Variants in SLC2A9 observed in about 807,000 individuals in gnomAD.
SLC2A9 encodes the protein solute carrier family 2, facilitated glucose transporter member 9.
SLC2A9 carries 39 observed loss-of-function variants against 50.6 expected under a neutral mutation model. The ratio of observed to expected loss-of-function variants is 0.77; its 90% CI spans 0.60 to 1.01. The LOEUF (loss-of-function observed/expected upper bound fraction) is 1.01. Among genes scored for constraint, SLC2A9 ranks in the 50% least tolerant of loss-of-function variants. The probability of loss-of-function intolerance (pLI) is 0.00; values close to 1 mark genes in which losing one functional copy is unlikely to be tolerated. For synonymous variants in SLC2A9, 324 were observed against 276.9 expected, an observed-to-expected ratio of 1.17 and a Z score of -1.69; for missense variants, 686 against 677.6, an observed-to-expected ratio of 1.01 and a Z score of -0.14.
chr4:9,849,770 T>G (rs1276181265), intron 10 of SLC2A9, among the ~76,000 whole-genome samples: 1 of 152,048 alleles, frequency 6.6e-6, no homozygotes, highest in Non-Finnish European at 1.5e-5. Context: ...AGTGATGTGT[T>G]CTGTTTGGTG....
intron 4 of SLC2A9, among the ~76,000 whole-genome samples, chr4:9,981,343 G>GATGATGATGGTA (rs1755842387): frequency 5.7e-5 from 1 of 17,480 alleles, no homozygotes; most frequent in African/African-American, 2.1e-4. Context: ...TGGTGGTGGT[G>GATGATGATGGTA]GTGATGGTGA....
intron 3 of SLC2A9, among the ~76,000 whole-genome samples, chr4:9,806,963 G>A (rs939774276): frequency 6.6e-6 from 1 of 152,182 alleles, no homozygotes; most frequent in African/African-American, 2.4e-5. Context: ...ATTTCCTCCT[G>A]AGTCCCCTTC....
chr4:9,981,572 G>A (rs1172148782), intron 4 of SLC2A9, among the ~76,000 whole-genome samples: 1 of 152,170 alleles, frequency 6.6e-6, no homozygotes, highest in Non-Finnish European at 1.5e-5. Context: ...GTCCAGAGAT[G>A]TTTAAAAAAA....
chr4:9,832,092 C>T (rs911725746), intron 11 of SLC2A9, among the ~76,000 whole-genome samples: 12 of 152,222 alleles, frequency 7.9e-5, no homozygotes, highest in South Asian at 2.1e-4. Context: ...GCTATTTGGT[C>T]ATGGCGGCCC....
chr4:9,777,194 C>A (rs1018674881), downstream of SLC2A9, among the ~76,000 whole-genome samples: 4 of 152,070 alleles, frequency 2.6e-5, no homozygotes, highest in Non-Finnish European at 4.4e-5. Flanking sequence ...TGTCCCCGGG[C>A]CCTAGAATAG....
At position 9,806,599 on chromosome 4, in the gene SLC2A9, T is replaced by C. The variant is rs759545351; in HGVS notation, n.421-7358A>G. Among the ~76,000 whole-genome samples, 71 of 152,240 alleles carry C rather than the reference T, an allele frequency of 4.7e-4. No homozygotes were observed. The Middle Eastern group carries it at 0.017, about 36-fold the overall frequency. On this transcript the variant is annotated intron_variant and non_coding_transcript_variant, in intron 3 of 3. Transcript: ENST00000503280. ...TGGGTTAGGGTCTCCACGACTGAGCTGGTCTCAGCATTTGGCTCCACTCAA... is the reference window on the plus strand; with the variant it reads ...TGGGTTAGGGTCTCCACGACTGAGCCGGTCTCAGCATTTGGCTCCACTCAA...
At chr4:9,863,114 C>T (rs1242241154) in intron 10 of SLC2A9, among the ~76,000 whole-genome samples, 1 of 151,940 alleles carries the variant, frequency 6.6e-6, no homozygotes, top group Admixed American at 6.5e-5. Flanking sequence ...GTCATCAGTA[C>T]AGAGTGTAGT....
chr4:10,007,761 G>A (rs1381877483), intron 2 of SLC2A9, among the ~76,000 whole-genome samples: 1 of 152,194 alleles, frequency 6.6e-6, no homozygotes, highest in East Asian at 1.9e-4. Flanking sequence ...GAATGAAAAG[G>A]GCAAATTGTT....
At chr4:10,038,650 A>C (rs1181121101) in intron 1 of SLC2A9, among the ~76,000 whole-genome samples, 2 of 152,160 alleles carry the variant, frequency 1.3e-5, no homozygotes, top group Admixed American at 1.3e-4. Flanking sequence ...TTCAAGGCAA[A>C]AGAACTAAAT....
chr4:9,824,213 T>G (rs1215323762), downstream of SLC2A9, among the ~76,000 whole-genome samples: 2 of 152,032 alleles, frequency 1.3e-5, no homozygotes, highest in Non-Finnish European at 2.9e-5. Context: ...CACCATGTGA[T>G]TCCCTTTGCC....
At chr4:9,975,290 G>C (rs927842030) in intron 5 of SLC2A9, among the ~76,000 whole-genome samples, 5 of 152,090 alleles carry the variant, frequency 3.3e-5, no homozygotes, top group African/African-American at 1.2e-4. Flanking sequence ...TTCAATTCAA[G>C]CAACTATCAA....
At chr4:9,978,277 A>G (rs1415165196) in intron 5 of SLC2A9, among the ~76,000 whole-genome samples, 1 of 152,156 alleles carries the variant, frequency 6.6e-6, no homozygotes, top group Non-Finnish European at 1.5e-5. Context: ...AATCAACTCA[A>G]TGTTTTAACA....
At chr4:9,912,760 A>G (rs779663714) in intron 7 of SLC2A9, among the ~76,000 whole-genome samples, 3 of 152,222 alleles carry the variant, frequency 2.0e-5, no homozygotes, top group Non-Finnish European at 2.9e-5. Context: ...TTCACATGCT[A>G]ATCCTGGGAA....
In SLC2A9 at chr4:9,774,021, G is replaced by T. The variant is rs868143131; in HGVS notation, n.182-2652C>A. Reference sequence around the variant, plus strand: ...TTTTTTTTTTTTTTAAGATAGTCTTGCTCTGTCTCATCTCCCAGGCTGGAG... The same window carrying T: ...TTTTTTTTTTTTTTAAGATAGTCTTTCTCTGTCTCATCTCCCAGGCTGGAG... On this transcript the variant is annotated intron_variant and non_coding_transcript_variant, in intron 1 of 1. Transcript: ENST00000508585. 1.2e-4 allele frequency among the ~76,000 whole-genome samples: 16 copies of T among 129,014 alleles called. No individual in the cohort carries two copies. In the South Asian group the frequency reaches 2.3e-3, roughly 18 times the overall value. The allele number at this position is 129,014 out of a possible 152,430, so 84.6% of individuals were successfully genotyped here.
chr4:9,907,801 G>C (rs1035963263), intron 8 of SLC2A9, among the ~76,000 whole-genome samples: 21 of 152,220 alleles, frequency 1.4e-4, no homozygotes. Flanking sequence ...CTCTAGATGG[G>C]TAAAATGTCA....
intron 7 of SLC2A9, among the ~76,000 whole-genome samples, chr4:9,914,783 C>G (rs1577867425): frequency 6.6e-6 from 1 of 152,062 alleles, no homozygotes. Flanking sequence ...GAGCATGAAA[C>G]TGGACAGCAT....
At chr4:10,027,155 G>A (rs1355563259) in intron 1 of SLC2A9, among the ~76,000 whole-genome samples, 2 of 152,184 alleles carry the variant, frequency 1.3e-5, no homozygotes, top group African/African-American at 2.4e-5. Context: ...GCAGATCAGC[G>A]GTGGCCCAGG....
chr4:10,007,677 T>C (rs1296648365), intron 2 of SLC2A9, among the ~76,000 whole-genome samples: 1 of 152,232 alleles, frequency 6.6e-6, no homozygotes, highest in Non-Finnish European at 1.5e-5. Flanking sequence ...TAGCTGTGTT[T>C]ACAGGGAACA....
intron 1 of SLC2A9, chr4:10,035,025 C>T (rs1309752231): frequency 1.3e-5 from 2 of 152,222 alleles, no homozygotes; most frequent in Non-Finnish European, 2.9e-5. Flanking sequence ...TCAGCAAAAA[C>T]ACTACCAATC....
Sources: allele counts gnomAD v4.1 joint callset (sites outside exome capture counted in the v4.1 genomes callset), GRCh38; gene constraint gnomAD v4.1.1; transcripts MANE v1.5; gene names NCBI Gene and HGNC (gene_info 2026-07-23, HGNC 2026-07-21).